C2CD5: variants seen among roughly 807,000 people sequenced by gnomAD.
C2CD5 encodes the protein C2 calcium dependent domain containing 5, also known as C2 domain-containing protein 5.
In C2CD5, 109 loss-of-function variants were observed where a neutral mutation model predicts 130.3. The observed-to-expected ratio is 0.84, with a 90% confidence interval of 0.72 to 0.98. The LOEUF (loss-of-function observed/expected upper bound fraction) is 0.98, where lower values mean the gene tolerates loss of function less well. Ranked by LOEUF, C2CD5 falls within the 50% of genes least tolerant of loss-of-function variation. The probability of loss-of-function intolerance (pLI) is 0.00; values close to 1 mark genes in which losing one functional copy is unlikely to be tolerated. For missense variants in C2CD5, 996 were observed against 1,261.8 expected (o/e 0.79, Z 3.19); for synonymous variants, 454 against 429.2 (o/e 1.06, Z -0.71).
At chr12:22,540,196 A>G (rs889751276) in intron 2 of C2CD5, among the ~76,000 whole-genome samples, 1 of 152,166 alleles carries the variant, frequency 6.6e-6, no homozygotes, top group African/African-American at 2.4e-5. Flanking sequence ...AGATGCCAAA[A>G]CTACACAACT....
At chr12:22,487,787 C>G (rs12831228) in intron 12 of C2CD5, among the ~76,000 whole-genome samples, 23,932 of 151,604 alleles carry the variant, frequency 0.16, 3,748 homozygotes, top group African/African-American at 0.41. Flanking sequence ...CAATAGCAAA[C>G]ACTTGGAACC....
chr12:22,504,688 G>T (rs1311353748), intron 10 of C2CD5, among the ~76,000 whole-genome samples: 1 of 152,110 alleles, frequency 6.6e-6, no homozygotes, highest in African/African-American at 2.4e-5. Flanking sequence ...CAGATCAGTG[G>T]GTGCCATCTA....
intron 25 of C2CD5, among the ~76,000 whole-genome samples, chr12:22,454,647 C>T (rs1278313878): frequency 1.3e-5 from 2 of 150,562 alleles, no homozygotes; most frequent in Non-Finnish European, 2.9e-5. Flanking sequence ...GAGATACCTT[C>T]TCTGACTGTG....
chr12:22,467,303 G>A (rs1942245393), intron 22 of C2CD5, among the ~76,000 whole-genome samples: 1 of 151,842 alleles, frequency 6.6e-6, no homozygotes, highest in African/African-American at 2.4e-5. Flanking sequence ...CTGAGTAGCT[G>A]GGACCACAGG....
At chr12:22,472,995 T>C (rs955107985) in intron 16 of C2CD5, among the ~76,000 whole-genome samples, 188 bp from the exon 17 acceptor site, 5 of 152,062 alleles carry the variant, frequency 3.3e-5, no homozygotes, top group African/African-American at 1.2e-4. Flanking sequence ...CCAAGTGAAA[T>C]ATTTTACGTA....
intron 2 of C2CD5, 149 bp downstream of exon 2, chr12:22,543,912 C>A: frequency 1.6e-6 from 1 of 622,660 alleles, no homozygotes; most frequent in Non-Finnish European, 2.9e-6. Flanking sequence ...GAGGTCTCGG[C>A]GGTCATCCCT....
rs1296332329 is a variant in C2CD5 at position 22,448,942 on chromosome 12, T to A, written c.*818A>T. On this transcript the variant is annotated 3_prime_UTR_variant, in exon 27 of 27. Coordinates refer to ENST00000446597, the MANE Select transcript of C2CD5 (RefSeq NM_001286176.2). Reference sequence around the variant, plus strand: ...TTTATTTGGTAGGAGTGCAATATTATCTTATTAGGAAATAATTTTATGTTC... The same window carrying A: ...TTTATTTGGTAGGAGTGCAATATTAACTTATTAGGAAATAATTTTATGTTC... 6.6e-6 allele frequency: 1 copy of A among 152,460 alleles called. No individual in the cohort carries two copies. The highest frequency in any genetic ancestry group is 1.5e-5 in the Non-Finnish European group (1 of 68,024). 9.4% of individuals were successfully genotyped at this position (152,460 alleles called of 1,614,324 possible).
chr12:22,484,633 T>C (rs1293956506), intron 13 of C2CD5, 64 bp downstream of exon 13: 3 of 839,398 alleles, frequency 3.6e-6, no homozygotes, highest in South Asian at 2.7e-5. Flanking sequence ...CACTTAAAAA[T>C]AGGTTTACGG....
Position 22,471,996 on chromosome 12 carries a change from A to C in C2CD5, c.2239T>G (p.Phe747Val). The C allele has an allele frequency of 6.2e-7, 1 of 1,608,302 alleles. No individual in the cohort carries two copies. The highest frequency in any genetic ancestry group is 8.5e-7 in the Non-Finnish European group (1 of 1,175,380). Reference sequence around the variant, plus strand: ...AGCAAATTTTCACAGAGATCATTAAAGTTCTTATTGAGAGCTTGATTAGTC... The same window carrying C: ...AGCAAATTTTCACAGAGATCATTAACGTTCTTATTGAGAGCTTGATTAGTC... ...NLTNQALNKN[F>V]NDLCENLLKS... Residue 747 changes from phenylalanine (F) to valine (V), a missense_variant, in exon 19 of 27, where the codon TTT becomes GTT. Phe to Val is a conservative substitution (Grantham distance 50). Around this residue, in one of 9 missense-constraint regions of C2CD5, gnomAD observed 590 missense variants for 631.4 expected, o/e 0.93. Coordinates refer to ENST00000446597, the MANE Select transcript of C2CD5 (RefSeq NM_001286176.2).
intron 14 of C2CD5, among the ~76,000 whole-genome samples, chr12:22,480,944 A>G (rs1449607196): frequency 6.6e-6 from 1 of 152,036 alleles, no homozygotes; most frequent in Non-Finnish European, 1.5e-5. Flanking sequence ...TGCTGGGACT[A>G]CAGGCACAAG....
At chr12:22,475,864 A>G (rs1179177706) in intron 15 of C2CD5, among the ~76,000 whole-genome samples, 1 of 152,184 alleles carries the variant, frequency 6.6e-6, no homozygotes, top group Non-Finnish European at 1.5e-5. Context: ...GTAAATTAGT[A>G]GTCTGCCTAA....
intron 9 of C2CD5, 199 bp from the exon 10 acceptor site, chr12:22,507,018 T>C (rs1313437532): frequency 1.4e-5 from 6 of 441,112 alleles, no homozygotes; most frequent in Admixed American, 1.0e-4. Context: ...TATACAATGT[T>C]ATACAGAATC....
intron 10 of C2CD5, among the ~76,000 whole-genome samples, chr12:22,495,732 C>T (rs1308575263): frequency 6.6e-6 from 1 of 152,030 alleles, no homozygotes. Context: ...AGTTACATAA[C>T]ATGGGAGCTA....
intron 4 of C2CD5, among the ~76,000 whole-genome samples, chr12:22,527,182 C>T (rs1336167799): frequency 1.3e-5 from 2 of 151,892 alleles, no homozygotes; most frequent in African/African-American, 4.8e-5. Context: ...AGTTTTAAAT[C>T]ATGCATTTAC....
intron 10 of C2CD5, among the ~76,000 whole-genome samples, chr12:22,501,948 C>T (rs1947855353): frequency 6.6e-6 from 1 of 151,930 alleles, no homozygotes; most frequent in African/African-American, 2.4e-5. Flanking sequence ...TTTCTTTAGG[C>T]AACATACCAG....
At chr12:22,517,913 G>C in intron 8 of C2CD5, 73 bp downstream of exon 8, 1 of 1,263,392 alleles carries the variant, frequency 7.9e-7, no homozygotes, top group Non-Finnish European at 1.1e-6. Flanking sequence ...GAAAGATTTG[G>C]ATGGAAAGCT....
chr12:22,501,784 G>T (rs1947833482), intron 10 of C2CD5, among the ~76,000 whole-genome samples: 1 of 151,966 alleles, frequency 6.6e-6, no homozygotes, highest in South Asian at 2.1e-4. Context: ...AGTCAAACAT[G>T]CATTACTTAC....
intron 9 of C2CD5, among the ~76,000 whole-genome samples, chr12:22,513,012 G>A (rs988632784): frequency 9.2e-5 from 14 of 151,774 alleles, no homozygotes; most frequent in African/African-American, 2.4e-4. Context: ...AATGATAAAC[G>A]TAATGGAAAA....
At chr12:22,543,893 G>T (rs551061321) in intron 2 of C2CD5, among the ~76,000 whole-genome samples, 168 bp downstream of exon 2, 10 of 152,106 alleles carry the variant, frequency 6.6e-5, no homozygotes, top group Non-Finnish European at 1.3e-4. Context: ...TGCACCCATC[G>T]CACACACTGA....
Sources: allele counts gnomAD v4.1 joint callset (sites outside exome capture counted in the v4.1 genomes callset), GRCh38; gene constraint gnomAD v4.1.1; regional missense constraint gnomAD v4.1.1; transcripts MANE v1.5; gene names NCBI Gene and HGNC (gene_info 2026-07-23, HGNC 2026-07-21).